Variants in LHX9 observed in about 807,000 individuals in gnomAD.
LHX9 encodes the protein LIM/homeobox protein Lhx9.
LHX9 carries 9 observed loss-of-function variants against 36.5 expected under a neutral mutation model. The ratio of observed to expected loss-of-function variants is 0.25; its 90% CI spans 0.15 to 0.43. The LOEUF is 0.43. Among genes scored for constraint, LHX9 ranks in the 20% least tolerant of loss-of-function variants. The pLI is 1.00. For synonymous variants in LHX9, 211 were observed against 212.1 expected (o/e 0.99, Z 0.04); for missense variants, 464 against 526.4 (o/e 0.88, Z 1.16).
chr1:197,915,695 A>G (rs1659728893), upstream of LHX9: 1 of 152,104 alleles, frequency 6.6e-6, no homozygotes, highest in African/African-American at 2.4e-5. Flanking sequence ...AAAGGAGGGG[A>G]AGCAGTAGTG....
At chr1:197,918,082 C>A (rs1571398354) in intron 1 of LHX9, 85 bp downstream of exon 1, 1 of 1,474,074 alleles carries the variant, frequency 6.8e-7, no homozygotes. Context: ...GGTGGAGAAC[C>A]GGAGCGGCGG....
upstream of LHX9, chr1:197,916,671 C>T: frequency 1.4e-6 from 1 of 702,866 alleles, no homozygotes; most frequent in Non-Finnish European, 2.6e-6. Flanking sequence ...CAAAAGTAAC[C>T]CTGAGAAATG....
Position 197,930,625 on chromosome 1 carries a change from G to C in LHX9, c.*1366G>C, listed in dbSNP as rs1175348415. The stretch of plus-strand genomic sequence containing the variant: ...ACCCCTTAAATCTCCTTTGGTGGTC[G>C]AAGTGGCTATTTAATAGATTTTAAA... On this transcript the variant is annotated 3_prime_UTR_variant, in exon 5 of 5. Coordinates refer to ENST00000367387, the MANE Select transcript of LHX9 (RefSeq NM_020204.3). 6.6e-6 allele frequency: 1 copy of C among 151,924 alleles called. No individual in the cohort carries two copies. The highest frequency in any genetic ancestry group is 1.5e-5 in the Non-Finnish European group (1 of 67,866). 9.4% of individuals were successfully genotyped at this position (151,924 alleles called of 1,614,324 possible). A position where few individuals can be genotyped will look rare whatever the true frequency, so the allele number is the denominator to read the frequency against.
chr1:197,931,709 C>A lies in LHX9; in HGVS notation c.*2450C>A. On this transcript the variant is annotated 3_prime_UTR_variant, in exon 5 of 5. Transcript: ENST00000367387. ...ATATTTGCTTATAACAAAAGTAATG[C>A]CCCACTGATTTGACTCAGTCCAATT... 2 of 444,712 alleles carry A rather than the reference C, an allele frequency of 4.5e-6. No individual in the cohort carries two copies. Among genetic ancestry groups the A allele is most frequent in the South Asian group, 1.3e-4 (2 of 15,718 alleles). 27.5% of individuals were successfully genotyped at this position (444,712 alleles called of 1,614,324 possible). A position where few individuals can be genotyped will look rare whatever the true frequency, so the allele number is the denominator to read the frequency against.
Position 197,929,650 on chromosome 1 carries a change from G to C in LHX9, c.*391G>C. Reference sequence around the variant, plus strand: ...AATCATATTCCCACTTAAATGATTAGGTTAATAAAGAACCAGATAATTAAT... The same window carrying C: ...AATCATATTCCCACTTAAATGATTACGTTAATAAAGAACCAGATAATTAAT... On this transcript the variant is annotated 3_prime_UTR_variant, in exon 5 of 5. Coordinates refer to ENST00000367387, the MANE Select transcript of LHX9 (RefSeq NM_020204.3). The C allele has an allele frequency of 2.2e-6, 2 of 908,592 alleles. No homozygotes were observed. The highest frequency in any genetic ancestry group is 1.3e-6 in the Non-Finnish European group (1 of 760,002). 56.3% of individuals were successfully genotyped at this position (908,592 alleles called of 1,614,324 possible).
rs1659927710 is a variant in LHX9, at chr1:197,920,067, G to A, written c.270G>A (p.Gln90=). 6.2e-7 allele frequency: 1 copy of A among 1,614,278 alleles called. No individual in the cohort carries two copies. Among genetic ancestry groups the A allele is most frequent in the Non-Finnish European group, 8.5e-7 (1 of 1,180,046 alleles). ...ACTATCTGCTGGCTGTGGACAAACA[G>A]TGGCATCTGAGATGCCTGAAGTGCT... The part of the protein sequence containing the change: ...DRYYLLAVDK[Q]WHLRCLKCCE... The change falls in exon 2 of 5, where the codon CAG becomes CAA. Residue 90 remains glutamine, a synonymous_variant. Coordinates refer to ENST00000367387, the MANE Select transcript of LHX9 (RefSeq NM_020204.3).
At chr1:197,918,028 G>C (rs1177373724) in intron 1 of LHX9, 31 bp downstream of exon 1, 7 of 1,601,668 alleles carry the variant, frequency 4.4e-6, no homozygotes, top group Non-Finnish European at 5.1e-6. Context: ...GGCGGTAGCC[G>C]GGCACCCCTG....
chr1:197,922,294 G>C (rs1387808589), intron 3 of LHX9, among the ~76,000 whole-genome samples: 1 of 152,160 alleles, frequency 6.6e-6, no homozygotes, highest in Non-Finnish European at 1.5e-5. Flanking sequence ...AGACCATCCA[G>C]ACATCCAGAC....
At position 197,924,888 on chromosome 1, in the gene LHX9, AT is replaced by A. The variant is rs558578964; in HGVS notation, c.734-2702del. ...GATATTTAAGACAGTTTTAAGAGTT[AT>A]CATTTCATCTCATAATTCGGGGAGT... On this transcript the variant is annotated intron_variant, in intron 3 of 4. Transcript: ENST00000367387. Among the ~76,000 whole-genome samples the A allele has an allele frequency of 8.5e-5, 10 of 117,440 alleles. 3 individuals carry two copies. Among genetic ancestry groups the A allele is most frequent in the Non-Finnish European group, 1.1e-4 (6 of 56,724 alleles). 77.0% of individuals were successfully genotyped at this position (117,440 alleles called of 152,430 possible).
chr1:197,914,282 C>G (rs937491), upstream of LHX9, among the ~76,000 whole-genome samples: 2 of 152,196 alleles, frequency 1.3e-5, no homozygotes, highest in African/African-American at 4.8e-5. Context: ...TTATCCCCGA[C>G]GCAGGCTAGA....
rs543394420 is a variant in LHX9, at chr1:197,920,011, G to A, written c.214G>A (p.Ala72Thr). The A allele has an allele frequency of 6.2e-7, 1 of 1,614,210 alleles. No homozygotes were observed. Among genetic ancestry groups the A allele is most frequent in the Non-Finnish European group, 8.5e-7 (1 of 1,180,044 alleles). ...PLSPEKPALC[A>T]GCGGKISDRY... ...CAGCCCGGAGAAGCCCGCCCTGTGC[G>A]CCGGCTGCGGGGGCAAGATCTCGGA... Residue 72 changes from alanine (A) to threonine (T), a missense_variant, in exon 2 of 5, where the codon GCC becomes ACC. Ala to Thr is a moderately conservative substitution (Grantham distance 58). Coordinates refer to ENST00000367387, the MANE Select transcript of LHX9 (RefSeq NM_020204.3).
rs1237914675 is a variant in LHX9 at position 197,921,373 on chromosome 1, C to T, written c.447C>T (p.Ala149=). 1 of 1,614,202 alleles carries T rather than the reference C, an allele frequency of 6.2e-7. No individual in the cohort carries two copies. The highest frequency in any genetic ancestry group is 1.1e-5 in the South Asian group (1 of 91,086). ...CCGCCTCGGAGATGGTCATGCGCGCCCGAGACTCTGTCTACCACCTGAGCT... is the reference window on the plus strand; with the variant it reads ...CCGCCTCGGAGATGGTCATGCGCGCTCGAGACTCTGTCTACCACCTGAGCT... ...GISASEMVMR[A]RDSVYHLSCF... is the part of the protein sequence containing the mutation. Residue 149 remains alanine (A), a synonymous_variant, in exon 3 of 5, where the codon GCC becomes GCT. Transcript: ENST00000367387. The surrounding 1 kb of genome is among the most constrained non-coding windows in gnomAD (Gnocchi z 4.6).
upstream of LHX9, chr1:197,912,889 C>CGGGGA (rs1222888308): frequency 1.1e-4 from 40 of 372,640 alleles, no homozygotes; most frequent in South Asian, 1.5e-3. Context: ...CCTGACCCTC[C>CGGGGA]GGGGAGCTGC....
At position 197,930,634 on chromosome 1, in the gene LHX9, AT is replaced by A. The variant is rs1660304953; in HGVS notation, c.*1378del. On this transcript the variant is annotated 3_prime_UTR_variant, in exon 5 of 5. Coordinates refer to ENST00000367387, the MANE Select transcript of LHX9 (RefSeq NM_020204.3). ...ATCTCCTTTGGTGGTCGAAGTGGCT[AT>A]TTAATAGATTTTAAAGGTGTCCTTC... The A allele has an allele frequency of 6.6e-6, 1 of 152,052 alleles. No homozygotes were observed. Among genetic ancestry groups the A allele is most frequent in the African/African-American group, 2.4e-5 (1 of 41,446 alleles). The allele number at this position is 152,052 out of a possible 1,614,324, so 9.4% of individuals were successfully genotyped here.
In LHX9 at chr1:197,921,759, T is replaced by C; in HGVS notation, c.733+100T>C. 1.0e-6 allele frequency: 1 copy of C among 976,672 alleles called. No individual in the cohort carries two copies. Among genetic ancestry groups the C allele is most frequent in the South Asian group, 1.7e-5 (1 of 58,492 alleles). The allele number at this position is 976,672 out of a possible 1,614,324, so 60.5% of individuals were successfully genotyped here. A position where few individuals can be genotyped will look rare whatever the true frequency, so the allele number is the denominator to read the frequency against. ...AAAGTCTTGCTGCAAGAGTGTGTTT[T>C]GCCCAATGCCTCTGTTCTCACTGCA... On this transcript the variant is annotated intron_variant, in intron 3 of 4. Transcript: ENST00000367387. The surrounding 1 kb of genome is among the most constrained non-coding windows in gnomAD (Gnocchi z 4.6).
chr1:197,930,190 A>G lies in LHX9; in HGVS notation c.*931A>G, dbSNP rs940989546. On this transcript the variant is annotated 3_prime_UTR_variant, in exon 5 of 5. Coordinates refer to ENST00000367387, the MANE Select transcript of LHX9 (RefSeq NM_020204.3). ...GGCTTCAGCTGTACCATGATATTGTATCTGGCATTCTATATGAATAATGTT... is the reference window on the plus strand; with the variant it reads ...GGCTTCAGCTGTACCATGATATTGTGTCTGGCATTCTATATGAATAATGTT... The G allele has an allele frequency of 5.1e-6, 2 of 392,468 alleles. No individual in the cohort carries two copies. Among genetic ancestry groups the G allele is most frequent in the African/African-American group, 2.2e-5 (1 of 45,862 alleles). 24.3% of individuals were successfully genotyped at this position (392,468 alleles called of 1,614,324 possible). A position where few individuals can be genotyped will look rare whatever the true frequency, so the allele number is the denominator to read the frequency against.
chr1:197,915,229 G>A (rs1261838746), upstream of LHX9, among the ~76,000 whole-genome samples: 1 of 152,228 alleles, frequency 6.6e-6, no homozygotes, highest in African/African-American at 2.4e-5. Context: ...TTGAAGTCCT[G>A]TATTTACTTT....
At chr1:197,917,348 A>G, upstream of LHX9, 1 of 1,279,494 alleles carries the variant, frequency 7.8e-7, no homozygotes, top group Non-Finnish European at 1.0e-6. Flanking sequence ...CTCTTAACAA[A>G]TTGGACACAG....
chr1:197,928,864 C>A (rs1571407966), intron 4 of LHX9, 138 bp from the exon 5 acceptor site: 6 of 952,926 alleles, frequency 6.3e-6, no homozygotes, highest in Admixed American at 5.2e-5. Flanking sequence ...GAAAGACAAA[C>A]AATGATATTT....
Sources: allele counts gnomAD v4.1 joint callset (sites outside exome capture counted in the v4.1 genomes callset), GRCh38; gene constraint gnomAD v4.1.1; non-coding constraint Gnocchi (gnomAD v3.1); transcripts MANE v1.5; gene names NCBI Gene and HGNC (gene_info 2026-07-23, HGNC 2026-07-21).